GSE1: variants seen among roughly 807,000 people sequenced by gnomAD.
GSE1 encodes Gse1 coiled-coil protein.
GSE1 carries 32 observed loss-of-function variants against 112.6 expected under a neutral mutation model. That is an observed-to-expected ratio of 0.28 (90% CI 0.21 to 0.38). The LOEUF is 0.38. GSE1 is among the 10% of genes least tolerant of loss of function. The pLI is 1.00. For synonymous variants in GSE1, 1,115 were observed against 735.6 expected (o/e 1.52, Z -8.35); for missense variants, 2,348 against 1,699.2 (o/e 1.38, Z -6.71).
At chr16:85,331,913 C>G (rs1194440730) in intron 1 of GSE1, among the ~76,000 whole-genome samples, 2 of 151,876 alleles carry the variant, frequency 1.3e-5, no homozygotes, top group African/African-American at 4.8e-5. Context: ...GGCGCAGGGC[C>G]TAAGACCTTT....
chr16:85,176,351 G>T (rs2074464212), intron 1 of GSE1, among the ~76,000 whole-genome samples: 1 of 152,198 alleles, frequency 6.6e-6, no homozygotes, highest in African/African-American at 2.4e-5. Context: ...ACAGCCTCTA[G>T]AACATCTCAG....
At chr16:85,552,513 T>C (rs1317540121), upstream of GSE1, among the ~76,000 whole-genome samples, 1 of 129,548 alleles carries the variant, frequency 7.7e-6, no homozygotes, top group East Asian at 2.1e-4. Context: ...TTTGTGTTTT[T>C]AGTAGAGACA....
intron 1 of GSE1, among the ~76,000 whole-genome samples, chr16:85,173,615 ACT>A (rs1487376670): frequency 1.3e-5 from 2 of 152,184 alleles, no homozygotes; most frequent in East Asian, 3.9e-4. Context: ...GGCAGTCAGA[ACT>A]CTCTGCAAAT....
chr16:85,343,143 G>A (rs1343783266), intron 1 of GSE1, among the ~76,000 whole-genome samples: 2 of 152,020 alleles, frequency 1.3e-5, no homozygotes, highest in African/African-American at 2.4e-5. Context: ...AGCGTGGCGC[G>A]TCCACACTAC....
intron 2 of GSE1, among the ~76,000 whole-genome samples, chr16:85,465,197 G>A (rs999340236): frequency 6.6e-6 from 1 of 152,226 alleles, no homozygotes; most frequent in Non-Finnish European, 1.5e-5. Context: ...TGCAGCGGTT[G>A]GGTGGGAATC....
At chr16:85,257,648 A>C (rs1208709694) in intron 1 of GSE1, among the ~76,000 whole-genome samples, 1 of 152,248 alleles carries the variant, frequency 6.6e-6, no homozygotes, top group Non-Finnish European at 1.5e-5. Context: ...CCGTTTCTAC[A>C]AAAAACTTAA....
intron 8 of GSE1, among the ~76,000 whole-genome samples, chr16:85,658,906 A>G (rs1263096502): frequency 6.6e-6 from 1 of 152,240 alleles, no homozygotes; most frequent in Non-Finnish European, 1.5e-5. Flanking sequence ...GACCTGGGGC[A>G]TGATGGGAAG....
intron 1 of GSE1, among the ~76,000 whole-genome samples, chr16:85,204,680 G>C (rs761750636): frequency 6.6e-6 from 1 of 152,260 alleles, no homozygotes; most frequent in Non-Finnish European, 1.5e-5. Flanking sequence ...CGGACAGACT[G>C]TGTCCTCTCC....
intron 1 of GSE1, among the ~76,000 whole-genome samples, chr16:85,331,828 A>T: frequency 6.6e-6 from 1 of 151,342 alleles, no homozygotes; most frequent in East Asian, 1.9e-4. Context: ...GATTACAGGC[A>T]TGAGTCACCG....
chr16:85,665,516 G>A (rs1261088700), intron 12 of GSE1, among the ~76,000 whole-genome samples: 1 of 152,222 alleles, frequency 6.6e-6, no homozygotes, highest in Admixed American at 6.5e-5. Flanking sequence ...TAGCCGCCCT[G>A]GCTCTCTTCC....
Position 85,655,904 on chromosome 16 carries a change from C to G in GSE1, c.976C>G (p.Leu326Val), listed in dbSNP as rs114262780. The stretch of plus-strand genomic sequence containing the variant: ...GCTGCACTCGGAGCGCATGTCTGGC[C>G]TCAGCGCGGAGAGGTAAGTGCGTCT... ...AALHSERMSG[L>V]SAERLQMDEE... The change falls in exon 6 of 16, where the codon CTC (leucine) becomes GTC (valine). Residue 326 changes from leucine (L) to valine (V), a missense_variant. Transcript: ENST00000253458. 1.1e-5 allele frequency: 17 copies of G among 1,603,608 alleles called. No individual in the cohort carries two copies. The highest frequency in any genetic ancestry group is 1.4e-5 in the Non-Finnish European group (16 of 1,179,518).
chr16:85,266,277 C>CT (rs1908240634), intron 1 of GSE1, among the ~76,000 whole-genome samples: 1 of 152,216 alleles, frequency 6.6e-6, no homozygotes, highest in Non-Finnish European at 1.5e-5. Flanking sequence ...TAGGAAAACT[C>CT]TAGCAATGAG....
intron 1 of GSE1, among the ~76,000 whole-genome samples, chr16:85,183,227 T>C (rs1480452485): frequency 1.3e-5 from 2 of 152,044 alleles, no homozygotes; most frequent in Non-Finnish European, 2.9e-5. Context: ...CCACACACCC[T>C]CTCTCATTCA....
At chr16:85,172,147 GTCA>G (rs2074369644) in intron 1 of GSE1, among the ~76,000 whole-genome samples, 1 of 152,170 alleles carries the variant, frequency 6.6e-6, no homozygotes, top group South Asian at 2.1e-4. Flanking sequence ...GGGCATGTCT[GTCA>G]TCCGCCTGAT....
In GSE1 at chr16:85,170,457, G is replaced by C. The variant is rs940064801; in HGVS notation, c.933G>C (p.Glu311Asp). 9 of 985,558 alleles carry C rather than the reference G, an allele frequency of 9.1e-6. No individual in the cohort carries two copies. The East Asian group carries it at 9.1e-4, about 100-fold the overall frequency. The allele number at this position is 985,558 out of a possible 1,614,324, so 61.1% of individuals were successfully genotyped here. The change falls in exon 1 of 3, where the codon GAG becomes GAC. Residue 311 changes from glutamate to aspartate, a missense_variant. Coordinates refer to the GSE1 transcript ENST00000637419. ...CCCTGGAGAGCAGGCCGCTGGGGGA[G>C]ACCCTACGGGGCTTCTGCACCTCCG...
chr16:85,663,245 A>T, intron 10 of GSE1, 99 bp from the exon 11 acceptor site: 1 of 1,407,416 alleles, frequency 7.1e-7, no homozygotes. Flanking sequence ...GCAGCCAGCT[A>T]CGGCCCACAC....
intron 2 of GSE1, among the ~76,000 whole-genome samples, chr16:85,508,073 C>T (rs1009902801): frequency 1.3e-5 from 2 of 152,112 alleles, no homozygotes; most frequent in East Asian, 1.9e-4. Flanking sequence ...CTTGCTGTGT[C>T]GCTCAGGCTG....
chr16:85,187,149 C>G (rs2143393287), intron 1 of GSE1, among the ~76,000 whole-genome samples: 1 of 152,350 alleles, frequency 6.6e-6, no homozygotes, highest in African/African-American at 2.4e-5. Flanking sequence ...AGCGACTCAG[C>G]TGCCTGGCAG....
upstream of GSE1, among the ~76,000 whole-genome samples, chr16:85,552,232 A>G (rs1171747535): frequency 6.6e-6 from 1 of 151,192 alleles, no homozygotes; most frequent in African/African-American, 2.4e-5. Flanking sequence ...TCACCGTGCT[A>G]GCCAGAATGG....
Sources: gnomAD v4.1 joint callset for allele counts (sites outside exome capture counted in the v4.1 genomes callset) on GRCh38, gnomAD v4.1.1 for gene constraint, MANE v1.5 for transcripts, NCBI Gene and HGNC (gene_info 2026-07-23, HGNC 2026-07-21) for gene names.